TTC7A: variants seen among roughly 807,000 people sequenced by gnomAD.
TTC7A encodes tetratricopeptide repeat domain 7A, also known as tetratricopeptide repeat protein 7A.
Under a neutral mutation model 103.7 loss-of-function variants are expected in TTC7A, and 110 were observed. The ratio of observed to expected loss-of-function variants is 1.06; its 90% CI spans 0.91 to 1.24. The LOEUF (loss-of-function observed/expected upper bound fraction) is 1.24. TTC7A is among the 50% of genes most tolerant of loss of function. The pLI is 0.00. For missense variants in TTC7A, 1,340 were observed against 1,116.3 expected (o/e 1.20, Z -2.86); for synonymous variants, 521 against 467.9 (o/e 1.11, Z -1.47).
chr2:46,964,875 G>A (rs963492510), intron 3 of TTC7A, among the ~76,000 whole-genome samples: 1 of 152,146 alleles, frequency 6.6e-6, no homozygotes, highest in Non-Finnish European at 1.5e-5. Context: ...TTAGTCATTG[G>A]TGCCTAATTT....
chr2:46,956,065 G>A (rs894684946), intron 2 of TTC7A, among the ~76,000 whole-genome samples: 1 of 152,216 alleles, frequency 6.6e-6, no homozygotes, highest in African/African-American at 2.4e-5. Context: ...CCTCCCTCAG[G>A]CAACAGCACA....
intron 8 of TTC7A, 50 bp from the exon 9 acceptor site, chr2:47,005,872 C>T (rs1441943966): frequency 2.5e-6 from 4 of 1,605,678 alleles, no homozygotes; most frequent in African/African-American, 2.7e-5. Context: ...AAGACAGACA[C>T]CTGCTTATCT....
intron 2 of TTC7A, among the ~76,000 whole-genome samples, chr2:46,952,838 T>A (rs1218535108): frequency 6.6e-6 from 1 of 152,228 alleles, no homozygotes; most frequent in Non-Finnish European, 1.5e-5. Flanking sequence ...GTATTTGATG[T>A]GCATCTCCTA....
At chr2:47,029,188 C>G in intron 14 of TTC7A, 36 bp from the exon 15 acceptor site, 5 of 1,610,260 alleles carry the variant, frequency 3.1e-6, no homozygotes, top group Non-Finnish European at 3.4e-6. Context: ...GCAGCATGTG[C>G]CTGGGGAAGG....
intron 1 of TTC7A, among the ~76,000 whole-genome samples, chr2:46,943,650 C>G (rs1670664587): frequency 1.3e-5 from 2 of 152,220 alleles, no homozygotes; most frequent in South Asian, 4.1e-4. Flanking sequence ...GGTCCTTTCT[C>G]TACAGGGTTC....
intron 2 of TTC7A, among the ~76,000 whole-genome samples, chr2:46,929,705 G>T (rs1294254091): frequency 2.0e-5 from 3 of 152,092 alleles, no homozygotes; most frequent in African/African-American, 4.8e-5. Context: ...AATGAGCTGA[G>T]ATTGAATTGC....
chr2:47,005,639 T>C (rs1677293178), intron 8 of TTC7A, among the ~76,000 whole-genome samples: 1 of 152,194 alleles, frequency 6.6e-6, no homozygotes, highest in Admixed American at 6.5e-5. Context: ...GCAACTTTTC[T>C]GTAGGCTTGA....
At chr2:46,969,226 G>A (rs923510677) in intron 3 of TTC7A, among the ~76,000 whole-genome samples, 22 of 150,364 alleles carry the variant, frequency 1.5e-4, no homozygotes, top group Admixed American at 4.6e-4. Flanking sequence ...AATCTGGGCC[G>A]GGCACGGTGG....
intron 2 of TTC7A, among the ~76,000 whole-genome samples, chr2:46,954,305 G>C (rs1671655724): frequency 6.6e-6 from 1 of 152,098 alleles, no homozygotes; most frequent in Admixed American, 6.6e-5. Context: ...TGTTCCTCTG[G>C]TAAAGCGACC....
intron 15 of TTC7A, among the ~76,000 whole-genome samples, chr2:47,034,933 A>G (rs923116380): frequency 6.6e-6 from 1 of 152,188 alleles, no homozygotes; most frequent in Non-Finnish European, 1.5e-5. Context: ...GGAACCACAC[A>G]GCCTTCTGCC....
In TTC7A at chr2:46,962,814, CT is replaced by C. The variant is rs554435715; in HGVS notation, c.517+5808del. Among the ~76,000 whole-genome samples the C allele has an allele frequency of 4.9e-3, 746 of 152,348 alleles. 9 individuals carry two copies. The highest frequency in any genetic ancestry group is 0.017 in the African/African-American group (692 of 41,582). ...CTGCTGCTTCTGGGCAGCCCACCCCCTGATGGGAGTGGAACACTTGAGCCTA... is the reference window on the plus strand; with the variant it reads ...CTGCTGCTTCTGGGCAGCCCACCCCCGATGGGAGTGGAACACTTGAGCCTA... On this transcript the variant is annotated intron_variant, in intron 3 of 19. Transcript: ENST00000319190.
chr2:46,979,300 C>G (rs1169045669), intron 5 of TTC7A, among the ~76,000 whole-genome samples: 1 of 152,198 alleles, frequency 6.6e-6, no homozygotes, highest in Non-Finnish European at 1.5e-5. Context: ...TATTTGGTTC[C>G]TCTGAGCCTC....
rs372796290 is a variant in TTC7A, at chr2:47,023,457, G to A, written c.1560G>A (p.Thr520=). ...AATTGCACCGGAAGGCACTGCAGAC[G>A]CTGGAGAGGTGAGGAGGCTCCCACC... is the stretch of plus-strand genomic sequence containing the variant. ...QDELHRKALQ[T]LERAQQLAPS... The change falls in exon 13 of 20, where the codon ACG becomes ACA. Residue 520 remains threonine, a synonymous_variant. Coordinates refer to ENST00000319190, the MANE Select transcript of TTC7A (RefSeq NM_020458.4). 31 of 1,614,118 alleles carry A rather than the reference G, an allele frequency of 1.9e-5. No individual in the cohort carries two copies. Among genetic ancestry groups the A allele is most frequent in the Middle Eastern group, 1.7e-4 (1 of 6,050 alleles).
intron 19 of TTC7A, among the ~76,000 whole-genome samples, chr2:47,063,121 G>T (rs1048281070): frequency 1.3e-5 from 2 of 152,228 alleles, no homozygotes; most frequent in African/African-American, 4.8e-5. Flanking sequence ...TGTCTTCCCT[G>T]TGCTGGCCTG....
intron 3 of TTC7A, among the ~76,000 whole-genome samples, chr2:46,961,576 C>CAAATAAATAAATTAAAT (rs1672372632): frequency 7.4e-6 from 1 of 135,098 alleles, no homozygotes; most frequent in Non-Finnish European, 1.6e-5. Context: ...GACTCCATCT[C>CAAATAAATAAATTAAAT]AAATAAATAA....
intron 14 of TTC7A, among the ~76,000 whole-genome samples, chr2:47,025,100 T>A (rs1309862328): frequency 6.6e-6 from 1 of 152,198 alleles, no homozygotes; most frequent in Non-Finnish European, 1.5e-5. Flanking sequence ...AGCCTTTGGC[T>A]CTCACAGTGG....
chr2:47,042,706 A>G (rs10169983), intron 15 of TTC7A, among the ~76,000 whole-genome samples: 7,178 of 134,788 alleles, frequency 0.053, 543 homozygotes, highest in African/African-American at 0.18. Flanking sequence ...GTGTGTGTAT[A>G]TATATGTATA....
At chr2:47,036,930 A>G (rs1403537500) in intron 15 of TTC7A, among the ~76,000 whole-genome samples, 1 of 152,188 alleles carries the variant, frequency 6.6e-6, no homozygotes, top group East Asian at 1.9e-4. Context: ...CACTCAGCAT[A>G]TCCCCCGCAT....
intron 11 of TTC7A, among the ~76,000 whole-genome samples, chr2:47,020,515 C>T (rs1679175805): frequency 6.6e-6 from 1 of 152,230 alleles, no homozygotes. Flanking sequence ...CCTCATCCTT[C>T]CAGTGGCCAG....
Sources: allele counts gnomAD v4.1 joint callset (sites outside exome capture counted in the v4.1 genomes callset), GRCh38; gene constraint gnomAD v4.1.1; transcripts MANE v1.5; gene names NCBI Gene and HGNC (gene_info 2026-07-23, HGNC 2026-07-21).